The following CDH12 variants were observed in gnomAD, a reference collection of about 807,000 sequenced individuals.
CDH12 encodes cadherin-12.
Under a neutral mutation model 74.1 loss-of-function variants are expected in CDH12, and 41 were observed. The ratio of observed to expected loss-of-function variants is 0.55; its 90% CI spans 0.43 to 0.72. The LOEUF is 0.72. Among genes scored for constraint, CDH12 ranks in the 30% least tolerant of loss-of-function variants. The pLI, the probability that CDH12 is intolerant of heterozygous loss-of-function variation, is 0.00. For missense variants in CDH12, 945 were observed against 977.2 expected (o/e 0.97, Z 0.44); for synonymous variants, 399 against 355.0 (o/e 1.12, Z -1.39).
chr5:22,241,915 A>G (rs1451622541), intron 3 of CDH12, among the ~76,000 whole-genome samples: 1 of 152,126 alleles, frequency 6.6e-6, no homozygotes, highest in Non-Finnish European at 1.5e-5. Flanking sequence ...GAAGGTCATT[A>G]TAAATTTGCA....
intron 1 of CDH12, among the ~76,000 whole-genome samples, chr5:22,634,623 T>C (rs946225669): frequency 6.6e-5 from 10 of 152,098 alleles, no homozygotes; most frequent in Non-Finnish European, 1.5e-5. Context: ...AGGAAAAATA[T>C]ACAATTCAAG....
intron 1 of CDH12, among the ~76,000 whole-genome samples, chr5:22,551,131 G>T (rs1034727810): frequency 6.6e-6 from 1 of 152,038 alleles, no homozygotes; most frequent in Non-Finnish European, 1.5e-5. Flanking sequence ...TCATAAGGGC[G>T]GGACCTAATC....
chr5:22,815,587 T>C (rs1181924666), intron 1 of CDH12, among the ~76,000 whole-genome samples: 5 of 151,850 alleles, frequency 3.3e-5, no homozygotes, highest in African/African-American at 1.2e-4. Context: ...CTGGCCAACA[T>C]GGTGAAACCC....
intron 1 of CDH12, among the ~76,000 whole-genome samples, chr5:22,771,361 A>G (rs997017284): frequency 6.6e-6 from 1 of 152,108 alleles, no homozygotes; most frequent in African/African-American, 2.4e-5. Context: ...TTAGCATACA[A>G]ATTTTATAGA....
intron 3 of CDH12, among the ~76,000 whole-genome samples, chr5:22,396,214 T>A (rs1027165179): frequency 2.0e-5 from 3 of 152,124 alleles, no homozygotes; most frequent in Non-Finnish European, 4.4e-5. Context: ...CAATTTTTTC[T>A]GTTCAGTGTT....
intron 3 of CDH12, among the ~76,000 whole-genome samples, chr5:22,282,399 C>G (rs1561280653): frequency 6.6e-6 from 1 of 152,048 alleles, no homozygotes; most frequent in Non-Finnish European, 1.5e-5. Context: ...TAAATGGGAT[C>G]CAATTAAACT....
intron 2 of CDH12, among the ~76,000 whole-genome samples, chr5:22,490,073 A>G (rs547275931): frequency 6.6e-6 from 1 of 152,200 alleles, no homozygotes. Flanking sequence ...ATTTTAAATT[A>G]TATGTCCACT....
chr5:22,551,062 GGATGATTTCCTTGGAATCTT>G (rs1561485196), intron 1 of CDH12, among the ~76,000 whole-genome samples: 4 of 152,104 alleles, frequency 2.6e-5, no homozygotes, highest in Non-Finnish European at 1.5e-5. Context: ...AGTAATAATA[GGATGATTTCCTTGGAATCTT>G]GTCAGAGCCT....
chr5:22,590,938 T>TA (rs562576231), intron 1 of CDH12, among the ~76,000 whole-genome samples: 393 of 152,232 alleles, frequency 2.6e-3, no homozygotes, highest in African/African-American at 7.6e-3. Flanking sequence ...AAGATAGTTG[T>TA]AAAATCTGTC....
chr5:21,946,556 A>T (rs1344659600), intron 6 of CDH12, among the ~76,000 whole-genome samples: 1 of 152,210 alleles, frequency 6.6e-6, no homozygotes, highest in Non-Finnish European at 1.5e-5. Flanking sequence ...GTAACAGTAG[A>T]TCTTGACATT....
chr5:22,283,217 GATATAT>G (rs1309819565), intron 3 of CDH12, among the ~76,000 whole-genome samples: 2 of 78,104 alleles, frequency 2.6e-5, no homozygotes, highest in Non-Finnish European at 4.6e-5. Context: ...TATATATATA[GATATAT>G]ATATATATAT....
At chr5:22,060,923 T>C (rs945257403) in intron 5 of CDH12, among the ~76,000 whole-genome samples, 3 of 152,192 alleles carry the variant, frequency 2.0e-5, no homozygotes, top group African/African-American at 7.2e-5. Flanking sequence ...CCTATCTATC[T>C]GCTTTGCCCC....
intron 1 of CDH12, among the ~76,000 whole-genome samples, chr5:22,717,979 CCT>C (rs1023307432): frequency 6.6e-6 from 1 of 152,058 alleles, no homozygotes; most frequent in African/African-American, 2.4e-5. Context: ...TGTCTTTTGG[CCT>C]GTGTGTTTAA....
intron 4 of CDH12, among the ~76,000 whole-genome samples, chr5:22,081,861 A>G (rs1742751670): frequency 6.6e-6 from 1 of 152,184 alleles, no homozygotes; most frequent in South Asian, 2.1e-4. Context: ...CCATCTGTTG[A>G]TTGTGCTAGA....
intron 1 of CDH12, among the ~76,000 whole-genome samples, chr5:22,623,114 C>A (rs1738068823): frequency 6.6e-6 from 1 of 152,160 alleles, no homozygotes; most frequent in Non-Finnish European, 1.5e-5. Flanking sequence ...CAACAAAATT[C>A]AACAGCCATT....
Position 22,720,388 on chromosome 5 carries a change from C to G in CDH12, c.-523+132670G>C, listed in dbSNP as rs1213520440. Among the ~76,000 whole-genome samples the G allele has an allele frequency of 2.0e-5, 3 of 152,290 alleles. No individual in the cohort carries two copies. The East Asian group carries it at 5.8e-4, about 29-fold the overall frequency. On this transcript the variant is annotated intron_variant, in intron 1 of 14. Transcript: ENST00000382254. ...GATTGTAAGTTTCCTGATGCCTCCC[C>G]ATCCCTGCAGAACTGTGAGTCAAGT...
rs77013343 is a variant in CDH12, at chr5:22,294,508, G to A, written c.-332-81865C>T. 7.7e-4 allele frequency among the ~76,000 whole-genome samples: 117 copies of A among 152,260 alleles called. 5 individuals are homozygous for A. Among genetic ancestry groups the A allele is most frequent in the Non-Finnish European group, 4.4e-4 (30 of 68,018 alleles). On this transcript the variant is annotated intron_variant, in intron 3 of 14. Coordinates refer to ENST00000382254, the MANE Select transcript of CDH12 (RefSeq NM_004061.5). ...CAGGGAAAGGCATGAATGCTTAAGG[G>A]CAGGATTTAAGGTAAGTACATGCTC...
At chr5:22,066,367 T>C (rs1301650970) in intron 5 of CDH12, among the ~76,000 whole-genome samples, 2 of 152,158 alleles carry the variant, frequency 1.3e-5, no homozygotes, top group Non-Finnish European at 2.9e-5. Flanking sequence ...TCAGGGTGAC[T>C]GTACTTTGGG....
intron 4 of CDH12, among the ~76,000 whole-genome samples, chr5:22,177,029 T>C (rs1199488319): frequency 6.6e-6 from 1 of 152,160 alleles, no homozygotes; most frequent in African/African-American, 2.4e-5. Flanking sequence ...ACCCTGCCTT[T>C]TATTGTAATC....
Sources: allele counts gnomAD v4.1 joint callset (sites outside exome capture counted in the v4.1 genomes callset), GRCh38; gene constraint gnomAD v4.1.1; transcripts MANE v1.5; gene names NCBI Gene and HGNC (gene_info 2026-07-23, HGNC 2026-07-21).